ANKRD10: variants seen among roughly 807,000 people sequenced by gnomAD.
ANKRD10 encodes ankyrin repeat domain 10, also known as ankyrin repeat domain-containing protein 10.
Under a neutral mutation model 27.0 loss-of-function variants are expected in ANKRD10, and 14 were observed. That is an observed-to-expected ratio of 0.52 (90% CI 0.34 to 0.81). ANKRD10 has a LOEUF of 0.81. Among genes scored for constraint, ANKRD10 ranks in the 40% least tolerant of loss-of-function variants. The probability of loss-of-function intolerance (pLI) is 0.01; values close to 1 mark genes in which losing one functional copy is unlikely to be tolerated. For synonymous variants in ANKRD10, 250 were observed against 224.5 expected, an observed-to-expected ratio of 1.11 and a Z score of -1.01; for missense variants, 493 against 544.0, an observed-to-expected ratio of 0.91 and a Z score of 0.93.
intron 4 of ANKRD10, among the ~76,000 whole-genome samples, chr13:110,892,447 A>C (rs2065105792): frequency 8.2e-6 from 1 of 122,214 alleles, no homozygotes; most frequent in Admixed American, 8.2e-5. Context: ...TGGTGGGAGA[A>C]TACTTACAAC....
intron 3 of ANKRD10, among the ~76,000 whole-genome samples, chr13:110,904,631 T>G (rs2065477360): frequency 6.6e-6 from 1 of 152,334 alleles, no homozygotes; most frequent in Non-Finnish European, 1.5e-5. Context: ...GAGTTTTAAA[T>G]CTAACTACAG....
intron 2 of ANKRD10, among the ~76,000 whole-genome samples, chr13:110,909,557 T>A (rs1468594998): frequency 3.3e-5 from 5 of 152,214 alleles, no homozygotes; most frequent in African/African-American, 9.6e-5. Flanking sequence ...CATTTCAGTT[T>A]AGTAACAAAC....
chr13:110,899,734 TTC>T (rs541686273), intron 3 of ANKRD10, among the ~76,000 whole-genome samples: 1 of 152,260 alleles, frequency 6.6e-6, no homozygotes, highest in African/African-American at 2.4e-5. Flanking sequence ...GCCACCCATT[TTC>T]TCTCTACTAT....
At chr13:110,881,310 C>A (rs2064812362) in intron 5 of ANKRD10, among the ~76,000 whole-genome samples, 2 of 152,216 alleles carry the variant, frequency 1.3e-5, no homozygotes, top group African/African-American at 2.4e-5. Flanking sequence ...ATGTCACACA[C>A]CATGGGACTC....
intron 1 of ANKRD10, among the ~76,000 whole-genome samples, chr13:110,910,989 A>G (rs1018942496): frequency 2.6e-5 from 4 of 152,226 alleles, no homozygotes; most frequent in Non-Finnish European, 5.9e-5. Flanking sequence ...GAAATAGAAA[A>G]ATGCAAAAAG....
chr13:110,907,079 C>CTTTTTTT (rs1158701462), intron 2 of ANKRD10, among the ~76,000 whole-genome samples: 1 of 248 alleles, frequency 4.0e-3, no homozygotes, highest in African/African-American at 4.3e-3. Flanking sequence ...AGCAACACTT[C>CTTTTTTT]TTTTTTTTTT....
intron 3 of ANKRD10, chr13:110,900,448 T>C: frequency 9.5e-7 from 1 of 1,049,818 alleles, no homozygotes; most frequent in Non-Finnish European, 1.2e-6. Context: ...TATCATAAAT[T>C]AGGTAAGCAA....
intron 4 of ANKRD10, chr13:110,892,615 T>C: frequency 1.8e-6 from 1 of 562,674 alleles, no homozygotes; most frequent in African/African-American, 2.1e-5. Flanking sequence ...AATGTGAAAA[T>C]GTTTTACTGC....
intron 4 of ANKRD10, among the ~76,000 whole-genome samples, chr13:110,885,554 A>AT (rs1491328462): frequency 6.6e-6 from 1 of 152,032 alleles, no homozygotes; most frequent in African/African-American, 2.4e-5. Flanking sequence ...CTAAAAAAAA[A>AT]GAAAAAAAGA....
At chr13:110,899,615 A>G (rs1394405968) in intron 3 of ANKRD10, among the ~76,000 whole-genome samples, 10 of 152,220 alleles carry the variant, frequency 6.6e-5, no homozygotes, top group Admixed American at 1.3e-4. Context: ...TAGGCTAGCA[A>G]GCTAAATGTG....
intron 4 of ANKRD10, among the ~76,000 whole-genome samples, chr13:110,888,265 CTG>C (rs71718130): frequency 0.047 from 7,106 of 151,094 alleles, 296 homozygotes; most frequent in African/African-American, 0.1. Flanking sequence ...GTGTCCACAA[CTG>C]TGCTGAGGAC....
chr13:110,915,047 A>G lies in ANKRD10; in HGVS notation c.-113T>C, dbSNP rs1024658492. 6.3e-6 allele frequency: 9 copies of G among 1,424,710 alleles called. No homozygotes were observed. In the African/African-American group the frequency reaches 8.9e-5, roughly 14 times the overall value. The allele number at this position is 1,424,710 out of a possible 1,614,324, so 88.3% of individuals were successfully genotyped here. A position where few individuals can be genotyped will look rare whatever the true frequency, so the allele number is the denominator to read the frequency against. Reference sequence around the variant, plus strand: ...GAGACTAGCGCCGCGGTCGCGTCCCACAGGCTGCCGAGCGGAGCGCGCACA... The same window carrying G: ...GAGACTAGCGCCGCGGTCGCGTCCCGCAGGCTGCCGAGCGGAGCGCGCACA... On this transcript the variant is annotated 5_prime_UTR_variant, in exon 1 of 6. Transcript: ENST00000267339.
intron 4 of ANKRD10, among the ~76,000 whole-genome samples, chr13:110,885,028 G>T (rs1237621504): frequency 6.6e-6 from 1 of 151,848 alleles, no homozygotes; most frequent in Non-Finnish European, 1.5e-5. Context: ...AGTGTGATTT[G>T]TGTAGTTGGG....
At chr13:110,907,079 C>CTTTTTTTTTTTT (rs1158701462) in intron 2 of ANKRD10, among the ~76,000 whole-genome samples, 4 of 248 alleles carry the variant, frequency 0.016, 2 homozygotes, top group African/African-American at 0.017. Context: ...AGCAACACTT[C>CTTTTTTTTTTTT]TTTTTTTTTT....
Position 110,906,116 on chromosome 13 carries a change from C to A in ANKRD10, c.372G>T (p.Glu124Asp). Residue 124 changes from glutamate to aspartate, a missense_variant, in exon 3 of 6, where the codon GAG becomes GAT. Physicochemically the swap from Glu to Asp is conservative, Grantham distance 45. Transcript: ENST00000267339. ...AGANINKPDCEGETPIHKAAR... is the reference protein window; with the variant it reads ...AGANINKPDCDGETPIHKAAR... ...CTGCCTTGTGAATGGGAGTTTCACC[C>A]TCACAATCCTGAAACAACAAAAAGC... 1 of 1,597,938 alleles carries A rather than the reference C, an allele frequency of 6.3e-7. No individual in the cohort carries two copies. The highest frequency in any genetic ancestry group is 8.5e-7 in the Non-Finnish European group (1 of 1,171,644).
intron 4 of ANKRD10, among the ~76,000 whole-genome samples, chr13:110,888,109 C>G (rs990471793): frequency 9.9e-5 from 15 of 152,000 alleles, no homozygotes; most frequent in African/African-American, 3.6e-4. Context: ...TGGGATGACT[C>G]CAGGCAGCAG....
At chr13:110,909,004 T>C (rs1406638133) in intron 2 of ANKRD10, among the ~76,000 whole-genome samples, 4 of 152,096 alleles carry the variant, frequency 2.6e-5, no homozygotes, top group Non-Finnish European at 4.4e-5. Flanking sequence ...CAGGAGGTGT[T>C]ATCTAGAGGC....
chr13:110,905,150 T>G, intron 3 of ANKRD10: 1 of 152,224 alleles, frequency 6.6e-6, no homozygotes, highest in Non-Finnish European at 1.5e-5. Flanking sequence ...AAAGCTGATA[T>G]TGGTTATTTT....
At chr13:110,904,518 T>G (rs933913458) in intron 3 of ANKRD10, among the ~76,000 whole-genome samples, 1 of 152,214 alleles carries the variant, frequency 6.6e-6, no homozygotes, top group Non-Finnish European at 1.5e-5. Flanking sequence ...TAGAAAGTCA[T>G]TAAAAATATC....
Sources: gnomAD v4.1 joint callset for allele counts (sites outside exome capture counted in the v4.1 genomes callset) on GRCh38, gnomAD v4.1.1 for gene constraint, MANE v1.5 for transcripts, NCBI Gene and HGNC (gene_info 2026-07-23, HGNC 2026-07-21) for gene names.